The following ATP1A1 variants were observed in gnomAD, a reference collection of about 807,000 sequenced individuals.
ATP1A1 encodes ATPase Na+/K+ transporting subunit alpha 1, also known as sodium/potassium-transporting ATPase subunit alpha-1.
In ATP1A1, 14 loss-of-function variants were observed where a neutral mutation model predicts 114.8. That is an observed-to-expected ratio of 0.12 (90% CI 0.08 to 0.19). The LOEUF is 0.19. Ranked by LOEUF, ATP1A1 falls within the 10% of genes least tolerant of loss-of-function variation. ATP1A1 has a pLI of 1.00. For missense variants in ATP1A1, 524 were observed against 1,290.7 expected (o/e 0.41, Z 9.10); for synonymous variants, 471 against 466.3 (o/e 1.01, Z -0.13).
Position 116,399,407 on chromosome 1 carries a change from C to A in ATP1A1, c.2449-13C>A, listed in dbSNP as rs774093509. On this transcript the variant is annotated splice_polypyrimidine_tract_variant and intron_variant, in intron 17 of 22. Transcript: ENST00000295598. This position sits in a 1 kb window ranked among gnomAD's most constrained non-coding sequence, Gnocchi z 5.0. ...TTTTAGTAACTAAATTCCTTCTCCCCACCCCTTCCCAGGTTCCTGCCATCT... is the reference window on the plus strand; with the variant it reads ...TTTTAGTAACTAAATTCCTTCTCCCAACCCCTTCCCAGGTTCCTGCCATCT... 2.5e-6 allele frequency: 4 copies of A among 1,613,222 alleles called. No homozygotes were observed. The South Asian group carries it at 3.3e-5, about 13-fold the overall frequency.
At chr1:116,377,019 C>T (rs1651418315) in intron 1 of ATP1A1, among the ~76,000 whole-genome samples, 1 of 152,202 alleles carries the variant, frequency 6.6e-6, no homozygotes, top group South Asian at 2.1e-4. Context: ...AGATAAGTGA[C>T]TTTCCATTCA....
rs1336522934 is a variant in ATP1A1, at chr1:116,388,849, A to G, written c.637-53A>G. ...CTTGATTTGAGGGGTACAGTAGCCCATGATAAGGCTGGTGTATTCACATGA... is the reference window on the plus strand; with the variant it reads ...CTTGATTTGAGGGGTACAGTAGCCCGTGATAAGGCTGGTGTATTCACATGA... On this transcript the variant is annotated intron_variant, in intron 6 of 22. Transcript: ENST00000295598. This position sits in a 1 kb window ranked among gnomAD's most constrained non-coding sequence, Gnocchi z 5.6. 5 of 1,612,726 alleles carry G rather than the reference A, an allele frequency of 3.1e-6. No individual in the cohort carries two copies. The South Asian group carries it at 4.4e-5, about 14-fold the overall frequency.
chr1:116,384,194 A>G lies in ATP1A1; in HGVS notation c.123+70A>G. The G allele has an allele frequency of 7.8e-7, 1 of 1,282,862 alleles. No individual in the cohort carries two copies. Among genetic ancestry groups the G allele is most frequent in the Non-Finnish European group, 1.1e-6 (1 of 902,990 alleles). 79.5% of individuals were successfully genotyped at this position (1,282,862 alleles called of 1,614,324 possible). A position where few individuals can be genotyped will look rare whatever the true frequency, so the allele number is the denominator to read the frequency against. On this transcript the variant is annotated intron_variant, in intron 2 of 22. Coordinates refer to ENST00000295598, the MANE Select transcript of ATP1A1 (RefSeq NM_000701.8). This position sits in a 1 kb window ranked among gnomAD's most constrained non-coding sequence, Gnocchi z 5.1. ...CATGATTTTTAATCCCCCAGGCCTCACTGTATTCTTCAAAGAACTGCTATA... is the reference window on the plus strand; with the variant it reads ...CATGATTTTTAATCCCCCAGGCCTCGCTGTATTCTTCAAAGAACTGCTATA...
In ATP1A1 at chr1:116,384,001, C is replaced by T; in HGVS notation, c.13-13C>T. The T allele has an allele frequency of 1.9e-6, 3 of 1,606,832 alleles. No individual in the cohort carries two copies. The highest frequency in any genetic ancestry group is 2.6e-6 in the Non-Finnish European group (3 of 1,175,982). On this transcript the variant is annotated splice_polypyrimidine_tract_variant and intron_variant, in intron 1 of 22. Coordinates refer to ENST00000295598, the MANE Select transcript of ATP1A1 (RefSeq NM_000701.8). The surrounding 1 kb of genome is among the most constrained non-coding windows in gnomAD (Gnocchi z 5.1). ...ATAATTCATGGCCTCACTTTTCCCA[C>T]ATTCTCCTACAGGTTGGACGTGATA...
intron 21 of ATP1A1, among the ~76,000 whole-genome samples, chr1:116,403,345 G>T (rs1288254576): frequency 6.6e-6 from 1 of 152,168 alleles, no homozygotes; most frequent in Non-Finnish European, 1.5e-5. Flanking sequence ...CCCCTTGGAA[G>T]CCTTCGGGCT....
Position 116,400,789 on chromosome 1 carries a change from G to T in ATP1A1, c.2573-72G>T. The T allele has an allele frequency of 1.9e-6, 3 of 1,563,308 alleles. No homozygotes were observed. The South Asian group carries it at 3.5e-5, about 18-fold the overall frequency. The stretch of plus-strand genomic sequence containing the variant: ...TATGTGCTCTCCCAGGCCTGCTGCA[G>T]TAATCAGCTGAAGGCTATACAGGTA... On this transcript the variant is annotated intron_variant, in intron 18 of 22. Coordinates refer to ENST00000295598, the MANE Select transcript of ATP1A1 (RefSeq NM_000701.8).
In ATP1A1 at chr1:116,401,715, C is replaced by G. The variant is rs1570981710; in HGVS notation, c.2951+60C>G. On this transcript the variant is annotated intron_variant, in intron 21 of 22. Transcript: ENST00000295598. This position sits in a 1 kb window ranked among gnomAD's most constrained non-coding sequence, Gnocchi z 4.7. The stretch of plus-strand genomic sequence containing the variant: ...AAATAGTATGTGTGGCTTTTCCCCC[C>G]ATTACTTGTGGTAATAGTTGTTATT... The G allele has an allele frequency of 3.3e-6, 5 of 1,507,970 alleles. No homozygotes were observed. Among genetic ancestry groups the G allele is most frequent in the Non-Finnish European group, 4.6e-6 (5 of 1,089,832 alleles). 93.4% of individuals were successfully genotyped at this position (1,507,970 alleles called of 1,614,324 possible).
In ATP1A1 at chr1:116,399,603, C is replaced by T. The variant is rs960318565; in HGVS notation, c.2572+60C>T. 1.1e-5 allele frequency: 18 copies of T among 1,603,046 alleles called. No individual in the cohort carries two copies. The highest frequency in any genetic ancestry group is 1.3e-5 in the Non-Finnish European group (15 of 1,173,910). On this transcript the variant is annotated intron_variant, in intron 18 of 22. Transcript: ENST00000295598. This position sits in a 1 kb window ranked among gnomAD's most constrained non-coding sequence, Gnocchi z 5.0. ...CTAAGGCATCTGAGGTGATGGTGTC[C>T]ACCTCAGGTTGAGGTTGATTTCAGA...
At position 116,401,057 on chromosome 1, in the gene ATP1A1, A is replaced by T; in HGVS notation, c.2718+51A>T. 1 of 1,612,668 alleles carries T rather than the reference A, an allele frequency of 6.2e-7. No individual in the cohort carries two copies. The highest frequency in any genetic ancestry group is 1.1e-5 in the South Asian group (1 of 91,078). ...AGTGTCAGAGCTCCTCAAGCCCCAG[A>T]AGACTGAGGCCACACTGCCACCAGC... On this transcript the variant is annotated intron_variant, in intron 19 of 22. Coordinates refer to ENST00000295598, the MANE Select transcript of ATP1A1 (RefSeq NM_000701.8). This position sits in a 1 kb window ranked among gnomAD's most constrained non-coding sequence, Gnocchi z 4.7.
chr1:116,404,620 G>A lies in ATP1A1; in HGVS notation c.*176G>A. On this transcript the variant is annotated 3_prime_UTR_variant, in exon 23 of 23. Coordinates refer to ENST00000295598, the MANE Select transcript of ATP1A1 (RefSeq NM_000701.8). This position sits in a 1 kb window ranked among gnomAD's most constrained non-coding sequence, Gnocchi z 4.8. ...GCATGTAGCTCTATGGGGGGAGGGG[G>A]GAGGGCTGCCTGAAAACCATCCATC... 1.1e-6 allele frequency: 1 copy of A among 875,130 alleles called. No homozygotes were observed. Among genetic ancestry groups the A allele is most frequent in the Non-Finnish European group, 1.6e-6 (1 of 632,460 alleles). 54.2% of individuals were successfully genotyped at this position (875,130 alleles called of 1,614,324 possible).
In ATP1A1 at chr1:116,378,525, C is replaced by G. The variant is rs1420894079; in HGVS notation, c.12+5002C>G. 6.8e-5 allele frequency among the ~76,000 whole-genome samples: 10 copies of G among 147,916 alleles called. No homozygotes were observed. The South Asian group carries it at 1.7e-3, about 26-fold the overall frequency. ...ACTCAGTGGGCCTTGCTGTGTAGAT[C>G]GGTGAGCTGTGATTGCTCTTTCTAG... On this transcript the variant is annotated intron_variant, in intron 1 of 22. Transcript: ENST00000295598.
At chr1:116,375,469 G>A (rs994794110) in intron 1 of ATP1A1, among the ~76,000 whole-genome samples, 4 of 152,236 alleles carry the variant, frequency 2.6e-5, no homozygotes, top group Non-Finnish European at 5.9e-5. Context: ...ATGCACAGTA[G>A]TGATGCGGTG....
intron 3 of ATP1A1, chr1:116,386,186 T>C (rs1652077892): frequency 6.6e-6 from 1 of 151,700 alleles, no homozygotes; most frequent in African/African-American, 2.4e-5. Flanking sequence ...GAGAGCGTTT[T>C]TCTTGACACA....
At position 116,392,881 on chromosome 1, in the gene ATP1A1, T is replaced by A; in HGVS notation, c.1360T>A (p.Ser454Thr). The A allele has an allele frequency of 1.2e-6, 2 of 1,613,788 alleles. No homozygotes were observed. The highest frequency in any genetic ancestry group is 1.7e-6 in the Non-Finnish European group (2 of 1,179,890). The change falls in exon 11 of 23, where the codon TCA becomes ACA. Residue 454 changes from serine (S) to threonine (T), a missense_variant. Physicochemically the swap from Ser to Thr is moderately conservative, Grantham distance 58. This residue lies in a region of ATP1A1 where 143 missense variants were observed against 259.3 expected (regional missense o/e 0.55). Coordinates refer to ENST00000295598, the MANE Select transcript of ATP1A1 (RefSeq NM_000701.8). Reference protein sequence around the residue: ...KRAVAGDASESALLKCIELCC... With the variant: ...KRAVAGDASETALLKCIELCC... ...GGCAGTTGCAGGAGATGCCTCTGAGTCAGCACTCTTAAAGTGCATAGAGCT... is the reference window on the plus strand; with the variant it reads ...GGCAGTTGCAGGAGATGCCTCTGAGACAGCACTCTTAAAGTGCATAGAGCT...
rs1225848173 is a variant in ATP1A1 at position 116,404,460 on chromosome 1, G to A, written c.*16G>A. 57 of 1,606,900 alleles carry A rather than the reference G, an allele frequency of 3.5e-5. No homozygotes were observed. Among genetic ancestry groups the A allele is most frequent in the Non-Finnish European group, 4.7e-5 (55 of 1,177,946 alleles). On this transcript the variant is annotated 3_prime_UTR_variant, in exon 23 of 23. Coordinates refer to ENST00000295598, the MANE Select transcript of ATP1A1 (RefSeq NM_000701.8). The surrounding 1 kb of genome is among the most constrained non-coding windows in gnomAD (Gnocchi z 4.8). The stretch of plus-strand genomic sequence containing the variant: ...CTACTATTAGCCCCCCGTCCTGCAC[G>A]CCGTGGAGCATCAGGCCACACACTC...
Position 116,387,624 on chromosome 1 carries a change from C to A in ATP1A1, c.387+133C>A. ...CTCATTACTTAATGGTTATGAACAG[C>A]TGTTGCCTTCAAGGCTCATCCATTC... On this transcript the variant is annotated intron_variant, in intron 4 of 22. Coordinates refer to ENST00000295598, the MANE Select transcript of ATP1A1 (RefSeq NM_000701.8). The surrounding 1 kb of genome is among the most constrained non-coding windows in gnomAD (Gnocchi z 6.7). 1 of 1,026,194 alleles carries A rather than the reference C, an allele frequency of 9.7e-7. No homozygotes were observed. The highest frequency in any genetic ancestry group is 1.4e-6 in the Non-Finnish European group (1 of 713,384). The allele number at this position is 1,026,194 out of a possible 1,614,324, so 63.6% of individuals were successfully genotyped here. A position where few individuals can be genotyped will look rare whatever the true frequency, so the allele number is the denominator to read the frequency against.
In ATP1A1 at chr1:116,393,523, C is replaced by T. The variant is rs764054683; in HGVS notation, c.1468-8C>T. Reference sequence around the variant, plus strand: ...ATCCAATGTTTATGTCTCAACAATCCTTCACAGTTGTCTATTCATAAGAAC... The same window carrying T: ...ATCCAATGTTTATGTCTCAACAATCTTTCACAGTTGTCTATTCATAAGAAC... On this transcript the variant is annotated splice_polypyrimidine_tract_variant and splice_region_variant and intron_variant, in intron 11 of 22. Transcript: ENST00000295598. This position sits in a 1 kb window ranked among gnomAD's most constrained non-coding sequence, Gnocchi z 5.0. 9.3e-6 allele frequency: 15 copies of T among 1,608,294 alleles called. No individual in the cohort carries two copies. Among genetic ancestry groups the T allele is most frequent in the Non-Finnish European group, 1.3e-5 (15 of 1,176,578 alleles).
At position 116,385,352 on chromosome 1, in the gene ATP1A1, C is replaced by T. The variant is rs1042991960; in HGVS notation, c.183+510C>T. ...TAAAGAAACCTTTTCATAAAATAGGCGTTATGTATCCTTGTTATGTAGAGG... is the reference window on the plus strand; with the variant it reads ...TAAAGAAACCTTTTCATAAAATAGGTGTTATGTATCCTTGTTATGTAGAGG... On this transcript the variant is annotated intron_variant, in intron 3 of 22. Coordinates refer to ENST00000295598, the MANE Select transcript of ATP1A1 (RefSeq NM_000701.8). This position sits in a 1 kb window ranked among gnomAD's most constrained non-coding sequence, Gnocchi z 4.3. The T allele has an allele frequency of 1.9e-5, 3 of 158,230 alleles. No individual in the cohort carries two copies. Among genetic ancestry groups the T allele is most frequent in the African/African-American group, 4.8e-5 (2 of 41,440 alleles). The allele number at this position is 158,230 out of a possible 1,614,324, so 9.8% of individuals were successfully genotyped here.
At position 116,389,648 on chromosome 1, in the gene ATP1A1, A is replaced by G; in HGVS notation, c.964A>G (p.Ile322Val). Residue 322 changes from isoleucine to valine, a missense_variant, in exon 8 of 23, where the codon ATC becomes GTC. Around this residue, in one of 8 missense-constraint regions of ATP1A1, gnomAD observed 28 missense variants for 131.8 expected, o/e 0.21. Transcript: ENST00000295598. The surrounding 1 kb of genome is among the most constrained non-coding windows in gnomAD (Gnocchi z 6.9). ...TGAGTACACCTGGCTTGAGGCTGTC[A>G]TCTTCCTCATCGGTATCATCGTAGC... Reference protein sequence around the residue: ...ILEYTWLEAVIFLIGIIVANV... With the variant: ...ILEYTWLEAVVFLIGIIVANV... 2 of 1,614,146 alleles carry G rather than the reference A, an allele frequency of 1.2e-6. No homozygotes were observed. The highest frequency in any genetic ancestry group is 1.7e-6 in the Non-Finnish European group (2 of 1,180,032).
Sources: gnomAD v4.1 joint callset for allele counts (sites outside exome capture counted in the v4.1 genomes callset) on GRCh38, gnomAD v4.1.1 for gene constraint, gnomAD v4.1.1 regional missense constraint, Gnocchi (gnomAD v3.1) non-coding constraint, MANE v1.5 for transcripts, NCBI Gene and HGNC (gene_info 2026-07-23, HGNC 2026-07-21) for gene names.